Variants in ZFP90 observed in about 807,000 individuals in gnomAD.
ZFP90 encodes the protein ZFP90 zinc finger protein, also known as zinc finger protein 90 homolog.
Under a neutral mutation model 60.8 loss-of-function variants are expected in ZFP90, and 38 were observed. That is an observed-to-expected ratio of 0.62 (90% CI 0.48 to 0.82). ZFP90 has a LOEUF of 0.82. Ranked by LOEUF, ZFP90 falls within the 40% of genes least tolerant of loss-of-function variation. ZFP90 has a pLI of 0.00. For synonymous variants in ZFP90, 287 were observed against 264.8 expected, an observed-to-expected ratio of 1.08 and a Z score of -0.82; for missense variants, 711 against 759.1, an observed-to-expected ratio of 0.94 and a Z score of 0.74.
chr16:68,542,675 G>T (rs530332394), intron 2 of ZFP90, among the ~76,000 whole-genome samples: 1 of 152,260 alleles, frequency 6.6e-6, no homozygotes, highest in South Asian at 2.1e-4. Flanking sequence ...AGAAGATGGC[G>T]GTGCATGTTC....
chr16:68,561,920 T>A (rs962682108), intron 4 of ZFP90: 4 of 152,198 alleles, frequency 2.6e-5, no homozygotes, highest in African/African-American at 9.7e-5. Context: ...TTGAAAAAAA[T>A]TTTACAGTCA....
intron 2 of ZFP90, among the ~76,000 whole-genome samples, chr16:68,548,883 GC>G (rs2091203516): frequency 6.6e-6 from 1 of 152,168 alleles, no homozygotes; most frequent in Non-Finnish European, 1.5e-5. Flanking sequence ...AGAGGAACCA[GC>G]CTTAGATTTG....
chr16:68,546,950 G>A (rs968157919), intron 2 of ZFP90, among the ~76,000 whole-genome samples: 4 of 152,168 alleles, frequency 2.6e-5, no homozygotes, highest in African/African-American at 9.7e-5. Flanking sequence ...GCCTTTCTAA[G>A]GCTAAATACA....
At position 68,563,138 on chromosome 16, in the gene ZFP90, A is replaced by G; in HGVS notation, c.351A>G (p.Leu117=). Residue 117 remains leucine (L), a synonymous_variant, in exon 5 of 5, where the codon TTA becomes TTG. Coordinates refer to ENST00000563169, the MANE Select transcript of ZFP90 (RefSeq NM_001305203.2). ...CACATGATCTCTTACATGCTACATT[A>G]GAAGACTCCTGGGATGTTAGCAGCC... ...HCTHDLLHAT[L]EDSWDVSSQL... 3 of 1,614,174 alleles carry G rather than the reference A, an allele frequency of 1.9e-6. No homozygotes were observed. The highest frequency in any genetic ancestry group is 2.5e-6 in the Non-Finnish European group (3 of 1,180,010).
upstream of ZFP90, among the ~76,000 whole-genome samples, chr16:68,537,921 G>GT (rs11462743): frequency 0.76 from 114,837 of 151,202 alleles, 43,697 homozygotes; most frequent in East Asian, 0.82. Context: ...TTTTTGTTTT[G>GT]TTTTTTTTGA....
At position 68,566,686 on chromosome 16, in the gene ZFP90, T is replaced by A; in HGVS notation, c.*1988T>A. The A allele has an allele frequency of 1.0e-6, 1 of 985,570 alleles. No individual in the cohort carries two copies. The highest frequency in any genetic ancestry group is 1.2e-6 in the Non-Finnish European group (1 of 829,936). The allele number at this position is 985,570 out of a possible 1,614,324, so 61.1% of individuals were successfully genotyped here. On this transcript the variant is annotated 3_prime_UTR_variant, in exon 5 of 5. Coordinates refer to ENST00000563169, the MANE Select transcript of ZFP90 (RefSeq NM_001305203.2). ...CACAATGCCAAGGCTGTGCTTCTAT[T>A]ATCTGATACATAGTTTGACAATGGG...
At position 68,565,949 on chromosome 16, in the gene ZFP90, AC is replaced by A; in HGVS notation, c.*1255del. 1 of 788,556 alleles carries A rather than the reference AC, an allele frequency of 1.3e-6. No individual in the cohort carries two copies. The highest frequency in any genetic ancestry group is 1.5e-6 in the Non-Finnish European group (1 of 652,428). 48.8% of individuals were successfully genotyped at this position (788,556 alleles called of 1,614,324 possible). A position where few individuals can be genotyped will look rare whatever the true frequency, so the allele number is the denominator to read the frequency against. The stretch of plus-strand genomic sequence containing the variant: ...AGACCAGCCTGGACAACATGGTGAA[AC>A]CCCATCTCTTTAAAAAAAAAAAAAA... On this transcript the variant is annotated 3_prime_UTR_variant, in exon 5 of 5. Coordinates refer to ENST00000563169, the MANE Select transcript of ZFP90 (RefSeq NM_001305203.2).
chr16:68,556,676 G>T (rs989091452), intron 2 of ZFP90, among the ~76,000 whole-genome samples: 1 of 152,200 alleles, frequency 6.6e-6, no homozygotes, highest in South Asian at 2.1e-4. Flanking sequence ...TAATATCTCC[G>T]ATCATTGCTA....
chr16:68,565,877 C>A lies in ZFP90; in HGVS notation c.*1179C>A. 2 of 981,188 alleles carry A rather than the reference C, an allele frequency of 2.0e-6. No homozygotes were observed. The highest frequency in any genetic ancestry group is 2.4e-6 in the Non-Finnish European group (2 of 826,342). The allele number at this position is 981,188 out of a possible 1,614,324, so 60.8% of individuals were successfully genotyped here. The stretch of plus-strand genomic sequence containing the variant: ...TGGTGTCTCACACCTGTAATCCCAG[C>A]ACTTTGGGTGGCTAAGGCAGATAGA... On this transcript the variant is annotated 3_prime_UTR_variant, in exon 5 of 5. Coordinates refer to ENST00000563169, the MANE Select transcript of ZFP90 (RefSeq NM_001305203.2).
Position 68,566,633 on chromosome 16 carries a change from G to T in ZFP90, c.*1935G>T. 5 of 985,520 alleles carry T rather than the reference G, an allele frequency of 5.1e-6. No individual in the cohort carries two copies. The highest frequency in any genetic ancestry group is 4.8e-6 in the Non-Finnish European group (4 of 829,940). The allele number at this position is 985,520 out of a possible 1,614,324, so 61.0% of individuals were successfully genotyped here. On this transcript the variant is annotated 3_prime_UTR_variant, in exon 5 of 5. Coordinates refer to ENST00000563169, the MANE Select transcript of ZFP90 (RefSeq NM_001305203.2). ...AGATGCTGACCATCCAAAACACCTTGTTTATGGTGCACCATGATTAGCTCA... is the reference window on the plus strand; with the variant it reads ...AGATGCTGACCATCCAAAACACCTTTTTTATGGTGCACCATGATTAGCTCA...
upstream of ZFP90, among the ~76,000 whole-genome samples, chr16:68,536,238 T>C (rs1157241915): frequency 3.3e-5 from 5 of 152,186 alleles, no homozygotes; most frequent in Admixed American, 2.0e-4. Context: ...CTCACATTCA[T>C]CTTGCAAGTA....
intron 2 of ZFP90, among the ~76,000 whole-genome samples, chr16:68,553,970 T>G (rs1214755600): frequency 6.6e-6 from 1 of 151,798 alleles, no homozygotes; most frequent in African/African-American, 2.4e-5. Context: ...ATGTGGAAAA[T>G]GGACTTGGGT....
intron 2 of ZFP90, among the ~76,000 whole-genome samples, chr16:68,541,197 C>T (rs539192953): frequency 7.2e-5 from 11 of 152,036 alleles, no homozygotes; most frequent in South Asian, 2.1e-4. Flanking sequence ...CCACCACACC[C>T]GGCTAATTTT....
At position 68,564,406 on chromosome 16, in the gene ZFP90, T is replaced by C. The variant is rs1392744611; in HGVS notation, c.1619T>C (p.Leu540Pro). Residue 540 changes from leucine (L) to proline (P), a missense_variant, in exon 5 of 5, where the codon CTT becomes CCT. This residue lies in a region of ZFP90 where 295 missense variants were observed against 274.0 expected (regional missense o/e 1.08). Transcript: ENST00000563169. ...GAAGCCTTTAGTCGACGCTCATCGC[T>C]TACTCAACATGAGAGAACCCACACT... is the stretch of plus-strand genomic sequence containing the variant. ...CGEAFSRRSS[L>P]TQHERTHTGE... The C allele has an allele frequency of 1.2e-6, 2 of 1,613,952 alleles. No individual in the cohort carries two copies.
At chr16:68,557,179 G>C (rs1436417055) in intron 2 of ZFP90, 1 of 454,452 alleles carries the variant, frequency 2.2e-6, no homozygotes, top group South Asian at 1.6e-5. Flanking sequence ...GTAGAGATGG[G>C]GTTTTGCTCT....
intron 2 of ZFP90, among the ~76,000 whole-genome samples, chr16:68,556,627 G>A (rs1247581233): frequency 6.6e-6 from 1 of 152,190 alleles, no homozygotes; most frequent in Admixed American, 6.5e-5. Flanking sequence ...CTGTTCCCAT[G>A]GAACTTACAG....
At chr16:68,557,712 A>G (rs16958106) in intron 2 of ZFP90, among the ~76,000 whole-genome samples, 8,255 of 151,192 alleles carry the variant, frequency 0.055, 609 homozygotes, top group African/African-American at 0.17. Flanking sequence ...ATAGGCAGCA[A>G]TGACTTGGTG....
Position 68,539,744 on chromosome 16 carries a change from TC to T in ZFP90, c.-35-12del. 1 of 1,542,128 alleles carries T rather than the reference TC, an allele frequency of 6.5e-7. No individual in the cohort carries two copies. Among genetic ancestry groups the T allele is most frequent in the Non-Finnish European group, 8.7e-7 (1 of 1,143,042 alleles). ...GTTGCAGCGGGGTGAGTGGGCCCTG[TC>T]CTTTCTCCCCAGCTCCTGCCCCGGA... On this transcript the variant is annotated splice_polypyrimidine_tract_variant and intron_variant, in intron 1 of 4. Coordinates refer to ENST00000563169, the MANE Select transcript of ZFP90 (RefSeq NM_001305203.2).
intron 4 of ZFP90, among the ~76,000 whole-genome samples, chr16:68,560,703 C>T (rs922120509): frequency 5.3e-5 from 8 of 151,576 alleles, no homozygotes; most frequent in Admixed American, 2.0e-4. Context: ...ACTACAGGCA[C>T]GCACCAACTC....
Sources: allele counts gnomAD v4.1 joint callset (sites outside exome capture counted in the v4.1 genomes callset), GRCh38; gene constraint gnomAD v4.1.1; regional missense constraint gnomAD v4.1.1; transcripts MANE v1.5; gene names NCBI Gene and HGNC (gene_info 2026-07-23, HGNC 2026-07-21).